The following CEMIP2 variants were observed in gnomAD, a reference collection of about 807,000 sequenced individuals.
CEMIP2 encodes cell surface hyaluronidase CEMIP2.
In CEMIP2, 79 loss-of-function variants were observed where a neutral mutation model predicts 146.9. The ratio of observed to expected loss-of-function variants is 0.54; its 90% CI spans 0.45 to 0.65. CEMIP2 has a LOEUF of 0.65. Among genes scored for constraint, CEMIP2 ranks in the 30% least tolerant of loss-of-function variants. CEMIP2 has a pLI of 0.00. For missense variants in CEMIP2, 1,596 were observed against 1,696.2 expected (o/e 0.94, Z 1.04); for synonymous variants, 601 against 606.3 (o/e 0.99, Z 0.13).
chr9:71,710,973 T>C, intron 16 of CEMIP2, among the ~76,000 whole-genome samples: 1 of 152,126 alleles, frequency 6.6e-6, no homozygotes, highest in Non-Finnish European at 1.5e-5. Flanking sequence ...ACTATTAAGT[T>C]TGTGGGTGGA....
At chr9:71,725,847 A>C (rs1823368331) in intron 10 of CEMIP2, 138 bp from the exon 11 acceptor site, 1 of 967,854 alleles carries the variant, frequency 1.0e-6, no homozygotes, top group African/African-American at 1.7e-5. Flanking sequence ...CAGAATTGAC[A>C]ATAAAAAGTT....
chr9:71,701,394 C>A (rs1822557671), intron 18 of CEMIP2, among the ~76,000 whole-genome samples: 1 of 152,106 alleles, frequency 6.6e-6, no homozygotes, highest in Non-Finnish European at 1.5e-5. Flanking sequence ...GCGTGAGCCA[C>A]CGTGTCCAGC....
intron 5 of CEMIP2, among the ~76,000 whole-genome samples, chr9:71,736,321 C>G (rs1327811417): frequency 6.6e-6 from 1 of 152,136 alleles, no homozygotes; most frequent in Non-Finnish European, 1.5e-5. Context: ...TTCATACCTT[C>G]CCAGTGGGAG....
chr9:71,683,521 C>CACACAT lies in CEMIP2; in HGVS notation c.*1675_*1676insATGTGT, dbSNP rs763330415. 7 of 9,202 alleles carry CACACAT rather than the reference C, an allele frequency of 7.6e-4. No individual in the cohort carries two copies. Among genetic ancestry groups the CACACAT allele is most frequent in the African/African-American group, 5.1e-3 (7 of 1,378 alleles). The allele number at this position is 9,202 out of a possible 1,614,324, so 0.6% of individuals were successfully genotyped here. On this transcript the variant is annotated 3_prime_UTR_variant, in exon 24 of 24. Coordinates refer to ENST00000377044, the MANE Select transcript of CEMIP2 (RefSeq NM_013390.3). ...ACGTAAAGATATTTAAGTCATAAAA[C>CACACAT]ACACACACACACACACACACACACA...
At chr9:71,758,657 C>T (rs1473624979) in intron 1 of CEMIP2, among the ~76,000 whole-genome samples, 1 of 152,162 alleles carries the variant, frequency 6.6e-6, no homozygotes, top group Non-Finnish European at 1.5e-5. Context: ...CTTAATTAAT[C>T]CTTCCTAGAA....
intron 21 of CEMIP2, 36 bp downstream of exon 21, chr9:71,694,473 C>G: frequency 6.5e-7 from 1 of 1,535,800 alleles, no homozygotes; most frequent in Non-Finnish European, 9.0e-7. Flanking sequence ...GTTATACCAC[C>G]TAGAACAGAC....
In CEMIP2 at chr9:71,685,099, A is replaced by T. The variant is rs540980797; in HGVS notation, c.*98T>A. ...TCCCCATTCTGTATCAAACTGGAAA[A>T]TGGTTCCGTTGGGTTAACAGTGTCA... On this transcript the variant is annotated 3_prime_UTR_variant, in exon 24 of 24. Coordinates refer to ENST00000377044, the MANE Select transcript of CEMIP2 (RefSeq NM_013390.3). 8.3e-7 allele frequency: 1 copy of T among 1,208,702 alleles called. No individual in the cohort carries two copies. The highest frequency in any genetic ancestry group is 2.5e-5 in the East Asian group (1 of 40,682). 74.9% of individuals were successfully genotyped at this position (1,208,702 alleles called of 1,614,324 possible).
At position 71,745,260 on chromosome 9, in the gene CEMIP2, G is replaced by T; in HGVS notation, c.792C>A (p.Ser264=). 1 of 1,614,042 alleles carries T rather than the reference G, an allele frequency of 6.2e-7. No homozygotes were observed. The highest frequency in any genetic ancestry group is 8.5e-7 in the Non-Finnish European group (1 of 1,179,996). ...FGSYTFEKDF[S]RGLNVRVIDQ... The stretch of plus-strand genomic sequence containing the variant: ...CAATGACCCTCACATTGAGGCCCCG[G>T]GAAAAGTCCTTTTCAAAGGTATAGG... The change falls in exon 4 of 24, where the codon TCC becomes TCA. Residue 264 remains serine, a synonymous_variant. Transcript: ENST00000377044.
At chr9:71,685,715 A>T (rs1563989392) in intron 23 of CEMIP2, 28 bp downstream of exon 23, 2 of 1,579,230 alleles carry the variant, frequency 1.3e-6, no homozygotes, top group Non-Finnish European at 1.7e-6. Context: ...GCCCTGTAAG[A>T]ACTTCATGAA....
At chr9:71,693,050 A>G (rs955401405) in intron 21 of CEMIP2, among the ~76,000 whole-genome samples, 1 of 152,204 alleles carries the variant, frequency 6.6e-6, no homozygotes, top group Non-Finnish European at 1.5e-5. Context: ...CAACAATATG[A>G]ATGGACTTCA....
At position 71,746,266 on chromosome 9, in the gene CEMIP2, T is replaced by C; in HGVS notation, c.407A>G (p.Lys136Arg). Residue 136 changes from lysine to arginine, a missense_variant, in exon 3 of 24, where the codon AAG becomes AGG. By Grantham distance (26) the Lys-to-Arg change is conservative. Transcript: ENST00000377044. The stretch of plus-strand genomic sequence containing the variant: ...GGTCAGACGGAGCATATCTCCCTCC[T>C]TGATAACAACTTGCTTTGCAGAATC... ...GQDSAKQVVI[K>R]EGDMLRLTSD... 2 of 1,614,006 alleles carry C rather than the reference T, an allele frequency of 1.2e-6. No homozygotes were observed. The highest frequency in any genetic ancestry group is 1.7e-6 in the Non-Finnish European group (2 of 1,179,914).
chr9:71,731,267 G>A (rs543379711), intron 7 of CEMIP2, among the ~76,000 whole-genome samples: 6 of 152,110 alleles, frequency 3.9e-5, no homozygotes, highest in African/African-American at 1.4e-4. Flanking sequence ...CTGATAAATA[G>A]TTATTTATTT....
intron 1 of CEMIP2, among the ~76,000 whole-genome samples, chr9:71,762,314 C>T (rs1167220611): frequency 6.6e-6 from 1 of 151,894 alleles, no homozygotes; most frequent in Non-Finnish European, 1.5e-5. Context: ...TTCACTTAGC[C>T]GAATAGGGAT....
intron 15 of CEMIP2, among the ~76,000 whole-genome samples, chr9:71,713,970 G>A (rs1564005078): frequency 6.6e-6 from 1 of 151,672 alleles, no homozygotes; most frequent in Non-Finnish European, 1.5e-5. Context: ...GTTCCACACA[G>A]AGTGTAGCAC....
At chr9:71,721,958 C>G (rs1380347220) in intron 12 of CEMIP2, among the ~76,000 whole-genome samples, 3 of 152,194 alleles carry the variant, frequency 2.0e-5, no homozygotes, top group Non-Finnish European at 2.9e-5. Context: ...CTACAAAGGG[C>G]TGAACCAGAA....
At chr9:71,712,364 C>A (rs1201542802) in intron 15 of CEMIP2, 104 bp from the exon 16 acceptor site, 4 of 1,143,018 alleles carry the variant, frequency 3.5e-6, no homozygotes, top group African/African-American at 3.1e-5. Context: ...ATGAACTAAG[C>A]AAAATTCTAG....
intron 20 of CEMIP2, among the ~76,000 whole-genome samples, chr9:71,695,010 G>T (rs1822352981): frequency 6.6e-6 from 1 of 152,032 alleles, no homozygotes; most frequent in Non-Finnish European, 1.5e-5. Context: ...GGACTACCCT[G>T]TTAAGAAACG....
In CEMIP2 at chr9:71,740,152, C is replaced by T; in HGVS notation, c.1115G>A (p.Ser372Asn). ...NESVRNYENH[S>N]SGGKALAQRE... ...TTGGGCAAGAGCCTTCCCGCCACTG[C>T]TATGATTTTCATAGTTTCTCACGGA... The change falls in exon 5 of 24, where the codon AGC (serine) becomes AAC (asparagine). Residue 372 changes from serine to asparagine, a missense_variant. Ser to Asn is a conservative substitution (Grantham distance 46, BLOSUM62 1). Transcript: ENST00000377044. 1.2e-6 allele frequency: 2 copies of T among 1,614,112 alleles called. No homozygotes were observed. The highest frequency in any genetic ancestry group is 1.7e-6 in the Non-Finnish European group (2 of 1,180,022).
At chr9:71,743,087 G>A in intron 4 of CEMIP2, among the ~76,000 whole-genome samples, 1 of 152,144 alleles carries the variant, frequency 6.6e-6, no homozygotes, top group East Asian at 1.9e-4. Flanking sequence ...AAAAGAAAAT[G>A]AGCCAGCACT....
Sources: gnomAD v4.1 joint callset for allele counts (sites outside exome capture counted in the v4.1 genomes callset) on GRCh38, gnomAD v4.1.1 for gene constraint, MANE v1.5 for transcripts, NCBI Gene and HGNC (gene_info 2026-07-23, HGNC 2026-07-21) for gene names.